Variants in RANBP2 observed in about 807,000 individuals in gnomAD.
RANBP2 encodes E3 SUMO-protein ligase RanBP2.
A neutral mutation model predicts 303.6 loss-of-function variants in RANBP2; 57 were observed. That is an observed-to-expected ratio of 0.19 (90% CI 0.15 to 0.23). The LOEUF (loss-of-function observed/expected upper bound fraction) is 0.23, where lower values mean the gene tolerates loss of function less well. RANBP2 is among the 10% of genes least tolerant of loss of function. The probability of loss-of-function intolerance (pLI) is 1.00; values close to 1 mark genes in which losing one functional copy is unlikely to be tolerated. For missense variants in RANBP2, 3,138 were observed against 3,780.8 expected, an observed-to-expected ratio of 0.83 and a Z score of 4.46; for synonymous variants, 1,167 against 1,301.5, an observed-to-expected ratio of 0.90 and a Z score of 2.23.
At chr2:109,157,191 T>A in the RANBP2 span, among the ~76,000 whole-genome samples, 1 of 152,162 alleles carries the variant, frequency 6.6e-6, no homozygotes, top group Non-Finnish European at 1.5e-5. Flanking sequence ...ATCATAGTAT[T>A]GACTGGGGAT....
the RANBP2 span, among the ~76,000 whole-genome samples, chr2:109,088,380 G>C: frequency 2.4e-3 from 274 of 114,904 alleles, 2 homozygotes; most frequent in African/African-American, 9.0e-3. Context: ...CTGGGTGACA[G>C]AGCAAGATTC....
the RANBP2 span, among the ~76,000 whole-genome samples, chr2:109,603,391 C>T: frequency 6.6e-6 from 1 of 152,044 alleles, no homozygotes; most frequent in African/African-American, 2.4e-5. Flanking sequence ...CACACCGCCA[C>T]GCCTGGCTAA....
At chr2:109,720,753 G>A in the RANBP2 span, among the ~76,000 whole-genome samples, 2 of 152,182 alleles carry the variant, frequency 1.3e-5, no homozygotes, top group Non-Finnish European at 2.9e-5. Context: ...CCAAAGATGT[G>A]AGTTGCCAAG....
At chr2:109,239,317 G>T in the RANBP2 span, among the ~76,000 whole-genome samples, 2 of 152,148 alleles carry the variant, frequency 1.3e-5, no homozygotes, top group African/African-American at 4.8e-5. Flanking sequence ...TTCCTAGGGG[G>T]CTATAGGAGT....
chr2:108,794,444 T>A, the RANBP2 span: 1 of 1,112,462 alleles, frequency 9.0e-7, no homozygotes, highest in Non-Finnish European at 1.3e-6. Flanking sequence ...AATGTTATAT[T>A]TTGTACTTAA....
the RANBP2 span, among the ~76,000 whole-genome samples, chr2:109,592,698 TG>T: frequency 6.7e-6 from 1 of 150,314 alleles, no homozygotes; most frequent in African/African-American, 2.5e-5. Context: ...GAGAATCGCT[TG>T]AACCCGGGAG....
the RANBP2 span, among the ~76,000 whole-genome samples, chr2:109,644,345 C>G: frequency 6.6e-6 from 1 of 152,052 alleles, no homozygotes; most frequent in African/African-American, 2.4e-5. Context: ...ACAGCTGACT[C>G]TGCACGAATT....
chr2:108,720,843 C>G (rs905999772), intron 1 of RANBP2, among the ~76,000 whole-genome samples: 5 of 152,146 alleles, frequency 3.3e-5, no homozygotes, highest in Non-Finnish European at 7.3e-5. Flanking sequence ...GTCAGGAGTT[C>G]GTGACCAGCC....
chr2:108,874,556 C>G, the RANBP2 span, among the ~76,000 whole-genome samples: 3 of 152,116 alleles, frequency 2.0e-5, no homozygotes, highest in Admixed American at 6.6e-5. Flanking sequence ...GGCCTCATCC[C>G]CTCATCCATG....
At chr2:109,398,934 T>A in the RANBP2 span, 71 of 1,611,306 alleles carry the variant, frequency 4.4e-5, 1 homozygote, top group African/African-American at 8.4e-4. Flanking sequence ...CGTGCGCTGC[T>A]CCCACCCAGG....
chr2:109,731,643 T>C, the RANBP2 span, among the ~76,000 whole-genome samples: 1 of 152,054 alleles, frequency 6.6e-6, no homozygotes, highest in Non-Finnish European at 1.5e-5. Flanking sequence ...TCCGCACTCC[T>C]TGGCCTCCCA....
the RANBP2 span, among the ~76,000 whole-genome samples, chr2:109,144,699 T>G: frequency 6.6e-6 from 1 of 152,216 alleles, no homozygotes; most frequent in African/African-American, 2.4e-5. Flanking sequence ...TGGGTCCAGG[T>G]TGGGCCACTC....
chr2:109,324,408 G>A, the RANBP2 span, among the ~76,000 whole-genome samples: 3 of 152,054 alleles, frequency 2.0e-5, no homozygotes, highest in African/African-American at 4.8e-5. Context: ...CATTCCCACC[G>A]GCAATGTATG....
At chr2:109,034,612 G>A in the RANBP2 span, among the ~76,000 whole-genome samples, 1 of 152,240 alleles carries the variant, frequency 6.6e-6, no homozygotes, top group Admixed American at 6.5e-5. Context: ...CCTGGCTCAG[G>A]CCACTTCATG....
At chr2:109,325,276 C>A in the RANBP2 span, among the ~76,000 whole-genome samples, 1 of 151,442 alleles carries the variant, frequency 6.6e-6, no homozygotes, top group African/African-American at 2.4e-5. Context: ...ATCGTAGAAT[C>A]CCAGGAGTCA....
the RANBP2 span, among the ~76,000 whole-genome samples, chr2:109,189,103 A>T: frequency 1.3e-5 from 2 of 151,978 alleles, no homozygotes; most frequent in African/African-American, 4.8e-5. Context: ...TCTGAGAGAG[A>T]TGCCTCCACT....
the RANBP2 span, among the ~76,000 whole-genome samples, chr2:109,004,393 C>G: frequency 6.6e-6 from 1 of 152,228 alleles, no homozygotes; most frequent in Non-Finnish European, 1.5e-5. Context: ...TCAAAAGTGT[C>G]TTAGAAATGC....
At chr2:109,360,382 C>G in the RANBP2 span, among the ~76,000 whole-genome samples, 2 of 152,168 alleles carry the variant, frequency 1.3e-5, no homozygotes, top group Non-Finnish European at 2.9e-5. Flanking sequence ...GGGTGATACC[C>G]TTTGCTTTTT....
the RANBP2 span, among the ~76,000 whole-genome samples, chr2:109,005,961 G>C: frequency 6.6e-6 from 1 of 152,192 alleles, no homozygotes; most frequent in Admixed American, 6.5e-5. Flanking sequence ...CAGCTGAAAA[G>C]AGGAGAGGAA....
Sources: allele counts gnomAD v4.1 joint callset (sites outside exome capture counted in the v4.1 genomes callset), GRCh38; gene constraint gnomAD v4.1.1; transcripts MANE v1.5; gene names NCBI Gene and HGNC (gene_info 2026-07-23, HGNC 2026-07-21).